MBD5: variants seen among roughly 807,000 people sequenced by gnomAD.
MBD5 encodes methyl-CpG binding domain protein 5.
Under a neutral mutation model 117.3 loss-of-function variants are expected in MBD5, and 13 were observed. The ratio of observed to expected loss-of-function variants is 0.11; its 90% CI spans 0.07 to 0.18. The LOEUF is 0.18. Among genes scored for constraint, MBD5 ranks in the 10% least tolerant of loss-of-function variants. The pLI, the probability that MBD5 is intolerant of heterozygous loss-of-function variation, is 1.00. For synonymous variants in MBD5, 727 were observed against 766.4 expected (o/e 0.95, Z 0.85); for missense variants, 1,879 against 2,093.8 (o/e 0.90, Z 2.00).
chr2:148,105,221 CTTT>C (rs59445751), intron 1 of MBD5, among the ~76,000 whole-genome samples: 38 of 130,002 alleles, frequency 2.9e-4, no homozygotes, highest in Non-Finnish European at 3.2e-4. Context: ...ACGTTTCTTT[CTTT>C]TTTTTTTTTT....
chr2:148,395,201 T>C (rs1704675539), intron 4 of MBD5, among the ~76,000 whole-genome samples: 1 of 152,152 alleles, frequency 6.6e-6, no homozygotes, highest in Non-Finnish European at 1.5e-5. Context: ...TATTCTGTTT[T>C]CTCTAAAAGC....
rs565593047 is a variant in MBD5, at chr2:148,489,782, G to T, written c.4150G>T (p.Gly1384Cys). ...SAVIHGRNMG[G>C]VDHDGRLRNS... ...GGTCATTCATGGACGGAACATGGGA[G>T]GTGTTGATCATGATGGTAGGCTGAG... Residue 1384 changes from glycine to cysteine, a missense_variant, in exon 11 of 14, where the codon GGT becomes TGT. Physicochemically the swap from Gly to Cys is radical, Grantham distance 159 (BLOSUM62 -3). Coordinates refer to ENST00000642680, the MANE Select transcript of MBD5 (RefSeq NM_001378120.1). 6.2e-7 allele frequency: 1 copy of T among 1,614,154 alleles called. No individual in the cohort carries two copies. Among genetic ancestry groups the T allele is most frequent in the South Asian group, 1.1e-5 (1 of 91,068 alleles).
rs1408492592 is a variant in MBD5 at position 148,458,519 on chromosome 2, C to T, written c.-240C>T. ...AAGCACTCATTTTTACCCATGTAGA[C>T]CATCCTTAGGAATTAAATATTGGTT... is the stretch of plus-strand genomic sequence containing the variant. On this transcript the variant is annotated 5_prime_UTR_variant, in exon 5 of 14. Transcript: ENST00000642680. 5.0e-6 allele frequency: 3 copies of T among 599,648 alleles called. No individual in the cohort carries two copies. Among genetic ancestry groups the T allele is most frequent in the Non-Finnish European group, 8.9e-6 (3 of 336,746 alleles). The allele number at this position is 599,648 out of a possible 1,614,324, so 37.1% of individuals were successfully genotyped here.
At chr2:148,364,059 T>G (rs1305295718) in intron 4 of MBD5, among the ~76,000 whole-genome samples, 1 of 151,940 alleles carries the variant, frequency 6.6e-6, no homozygotes, top group Admixed American at 6.6e-5. Context: ...TCGCCAAGGT[T>G]GAAATGAAGG....
rs138137494 is a variant in MBD5, at chr2:148,403,735, T to C, written c.-556-54468T>C. 9.9e-5 allele frequency among the ~76,000 whole-genome samples: 15 copies of C among 152,208 alleles called. No homozygotes were observed. In the East Asian group the frequency reaches 2.9e-3, roughly 29 times the overall value. On this transcript the variant is annotated intron_variant, in intron 4 of 13. Coordinates refer to ENST00000642680, the MANE Select transcript of MBD5 (RefSeq NM_001378120.1). ...AATCTTGTTCAGATTTTCCCAAATC[T>C]ACCTGCACTCATATCTGTATGTGTG...
intron 4 of MBD5, among the ~76,000 whole-genome samples, chr2:148,452,967 A>C: frequency 6.6e-6 from 1 of 152,242 alleles, no homozygotes; most frequent in Non-Finnish European, 1.5e-5. Flanking sequence ...ATGGTAAAAA[A>C]TCAGAATGTA....
At chr2:148,303,200 A>G (rs1701814717) in intron 3 of MBD5, among the ~76,000 whole-genome samples, 1 of 152,210 alleles carries the variant, frequency 6.6e-6, no homozygotes, top group African/African-American at 2.4e-5. Flanking sequence ...GTAGTAAATC[A>G]GACAAACAAT....
At chr2:148,030,241 C>G (rs143722907) in intron 1 of MBD5, among the ~76,000 whole-genome samples, 1 of 151,856 alleles carries the variant, frequency 6.6e-6, no homozygotes, top group African/African-American at 2.4e-5. Flanking sequence ...TGCCACTGCA[C>G]TTCAGCCTGG....
intron 11 of MBD5, among the ~76,000 whole-genome samples, chr2:148,492,521 A>G (rs1288308048): frequency 6.6e-6 from 1 of 152,088 alleles, no homozygotes; most frequent in East Asian, 1.9e-4. Flanking sequence ...AATACATGAA[A>G]CATTTATCTA....
chr2:148,192,981 C>T (rs1358285869), intron 2 of MBD5, among the ~76,000 whole-genome samples: 1 of 88,996 alleles, frequency 1.1e-5, no homozygotes, highest in Non-Finnish European at 2.3e-5. Flanking sequence ...AAACAGAGAG[C>T]CAAATCATGA....
intron 1 of MBD5, among the ~76,000 whole-genome samples, chr2:148,158,452 G>A (rs1261107904): frequency 1.3e-5 from 2 of 152,108 alleles, no homozygotes; most frequent in Non-Finnish European, 2.9e-5. Flanking sequence ...GGCCATTTGG[G>A]ACTCTGATTT....
intron 1 of MBD5, among the ~76,000 whole-genome samples, chr2:148,066,128 C>A (rs1178559651): frequency 6.6e-6 from 1 of 152,046 alleles, no homozygotes; most frequent in East Asian, 1.9e-4. Context: ...AGTGAGACTT[C>A]ATGTCTCCAA....
chr2:148,498,596 A>G (rs745337471), intron 11 of MBD5, among the ~76,000 whole-genome samples: 21 of 152,118 alleles, frequency 1.4e-4, no homozygotes, highest in Non-Finnish European at 2.8e-4. Flanking sequence ...TCGACCTCCC[A>G]AAGTGCTGGG....
At position 148,285,361 on chromosome 2, in the gene MBD5, G is replaced by A. The variant is rs529975010; in HGVS notation, c.-680+51966G>A. Among the ~76,000 whole-genome samples, 89 of 152,088 alleles carry A rather than the reference G, an allele frequency of 5.9e-4. 1 individual carries two copies. Among genetic ancestry groups the A allele is most frequent in the Non-Finnish European group, 1.1e-3 (72 of 68,022 alleles). ...TTTTCTCATCTGCCTCCTACCTAAT[G>A]TCAAAACATTTAGAAATGAAAGCTG... On this transcript the variant is annotated intron_variant, in intron 3 of 13. Transcript: ENST00000642680.
chr2:148,390,424 A>C (rs2105523571), intron 4 of MBD5, among the ~76,000 whole-genome samples: 1 of 150,424 alleles, frequency 6.6e-6, no homozygotes, highest in African/African-American at 2.5e-5. Context: ...GTCTATAATA[A>C]TTATATATAT....
intron 1 of MBD5, among the ~76,000 whole-genome samples, chr2:148,175,077 G>A (rs1417604288): frequency 6.6e-6 from 1 of 152,008 alleles, no homozygotes; most frequent in Non-Finnish European, 1.5e-5. Flanking sequence ...AGTAGAGTAT[G>A]GTAAAATTCA....
At chr2:148,196,161 T>G (rs1698982526) in intron 2 of MBD5, 1 of 152,170 alleles carries the variant, frequency 6.6e-6, no homozygotes. Context: ...TAATCTTTTG[T>G]TTTTTTCCTT....
chr2:148,138,222 C>T (rs1697219652), intron 1 of MBD5, among the ~76,000 whole-genome samples: 1 of 152,110 alleles, frequency 6.6e-6, no homozygotes. Context: ...AACTGTACAA[C>T]TTATATGTAT....
At chr2:148,235,428 T>G (rs1006823881) in intron 3 of MBD5, among the ~76,000 whole-genome samples, 4 of 152,232 alleles carry the variant, frequency 2.6e-5, no homozygotes, top group African/African-American at 7.2e-5. Context: ...AGCCCTTTGT[T>G]TTTTATTAAT....
Sources: allele counts gnomAD v4.1 joint callset (sites outside exome capture counted in the v4.1 genomes callset), GRCh38; gene constraint gnomAD v4.1.1; transcripts MANE v1.5; gene names NCBI Gene and HGNC (gene_info 2026-07-23, HGNC 2026-07-21).